Variants in ARHGEF4 observed in about 807,000 individuals in gnomAD.
The protein encoded by ARHGEF4 is Rho guanine nucleotide exchange factor 4, also known as APC-stimulated guanine nucleotide exchange factor 1.
ARHGEF4 carries 119 observed loss-of-function variants against 162.0 expected under a neutral mutation model. The ratio of observed to expected loss-of-function variants is 0.73; its 90% CI spans 0.63 to 0.86. The LOEUF (loss-of-function observed/expected upper bound fraction) is 0.86, where lower values mean the gene tolerates loss of function less well. ARHGEF4 is among the 40% of genes least tolerant of loss of function. The pLI, the probability that ARHGEF4 is intolerant of heterozygous loss-of-function variation, is 0.00. For missense variants in ARHGEF4, 2,488 were observed against 2,456.0 expected (o/e 1.01, Z -0.28); for synonymous variants, 1,014 against 979.9 (o/e 1.03, Z -0.65).
intron 6 of ARHGEF4, chr2:131,039,534 T>A (rs1390826015): frequency 9.7e-7 from 1 of 1,032,436 alleles, no homozygotes; most frequent in African/African-American, 1.7e-5. Flanking sequence ...GCTCAGGGCG[T>A]CCAAGCTGAG....
intron 1 of ARHGEF4, among the ~76,000 whole-genome samples, chr2:130,911,902 G>C (rs1176178896): frequency 6.6e-6 from 1 of 152,216 alleles, no homozygotes; most frequent in Non-Finnish European, 1.5e-5. Context: ...TTGGAACTTG[G>C]GACTTGGGAT....
chr2:130,867,242 ATTT>A (rs925137515), intron 1 of ARHGEF4, among the ~76,000 whole-genome samples: 1 of 142,396 alleles, frequency 7.0e-6, no homozygotes, highest in Non-Finnish European at 1.5e-5. Context: ...TATTATTATT[ATTT>A]TTTTTTTTTA....
At chr2:130,933,246 A>C (rs1682744950) in intron 3 of ARHGEF4, among the ~76,000 whole-genome samples, 1 of 151,458 alleles carries the variant, frequency 6.6e-6, no homozygotes, top group African/African-American at 2.4e-5. Context: ...ATTACCTTAG[A>C]TGTGTGGGTG....
At position 131,040,348 on chromosome 2, in the gene ARHGEF4, C is replaced by G. The variant is rs779084802; in HGVS notation, c.4570C>G (p.Arg1524Gly). Reference protein sequence around the residue: ...TIFGNIEDIYRCQKAFVKALE... With the variant: ...TIFGNIEDIYGCQKAFVKALE... ...CTTCGGGAACATCGAGGACATCTACCGCTGCCAGAAGGCCTTCGTGAAGGC... is the reference window on the plus strand; with the variant it reads ...CTTCGGGAACATCGAGGACATCTACGGCTGCCAGAAGGCCTTCGTGAAGGC... The change falls in exon 8 of 14, where the codon CGC becomes GGC. Residue 1524 changes from arginine to glycine, a missense_variant. Physicochemically the swap from Arg to Gly is moderately radical, Grantham distance 125. Transcript: ENST00000409359. 2 of 1,612,066 alleles carry G rather than the reference C, an allele frequency of 1.2e-6. No homozygotes were observed. Among genetic ancestry groups the G allele is most frequent in the Non-Finnish European group, 1.7e-6 (2 of 1,179,596 alleles).
intron 12 of ARHGEF4, 32 bp from the exon 13 acceptor site, chr2:131,045,337 G>A (rs1338081977): frequency 6.3e-7 from 1 of 1,599,004 alleles, no homozygotes; most frequent in South Asian, 1.1e-5. Flanking sequence ...CCACGAAGTG[G>A]GGCAGCGCCC....
intron 4 of ARHGEF4, among the ~76,000 whole-genome samples, chr2:131,002,982 T>C (rs1269017446): frequency 6.6e-6 from 1 of 152,174 alleles, no homozygotes; most frequent in Non-Finnish European, 1.5e-5. Context: ...CTACATTTGC[T>C]GAATAGATAT....
intron 3 of ARHGEF4, among the ~76,000 whole-genome samples, chr2:130,936,873 TTCTC>T (rs368088219): frequency 2.0e-5 from 3 of 150,934 alleles, no homozygotes; most frequent in African/African-American, 7.2e-5. Context: ...TCTGATCATT[TTCTC>T]TCTTTCTTTC....
chr2:130,939,435 C>T (rs555105740), intron 3 of ARHGEF4, among the ~76,000 whole-genome samples: 1 of 152,304 alleles, frequency 6.6e-6, no homozygotes, highest in African/African-American at 2.4e-5. Context: ...CTGTTTGGTA[C>T]TGTCGATCCA....
rs185582373 is a variant in ARHGEF4 at position 131,007,541 on chromosome 2, A to G, written c.3986-20404A>G. On this transcript the variant is annotated intron_variant, in intron 4 of 13. Coordinates refer to ENST00000409359, the MANE Select transcript of ARHGEF4 (RefSeq NM_001367493.1). ...TTCTGATTGTGAAGCTAATATATTC[A>G]TCTTGGCAAATCCAACATAACAGAA... 8.6e-3 allele frequency among the ~76,000 whole-genome samples: 1,309 copies of G among 152,246 alleles called. 8 individuals carry two copies. The highest frequency in any genetic ancestry group is 0.012 in the Non-Finnish European group (808 of 68,026).
intron 4 of ARHGEF4, among the ~76,000 whole-genome samples, chr2:130,974,904 AC>A (rs1357852060): frequency 6.6e-6 from 1 of 152,224 alleles, no homozygotes; most frequent in Non-Finnish European, 1.5e-5. Flanking sequence ...ATAACCTTCT[AC>A]AGCCTCTTGA....
intron 1 of ARHGEF4, among the ~76,000 whole-genome samples, chr2:130,907,971 AT>A (rs1047523386): frequency 3.4e-4 from 51 of 151,864 alleles, no homozygotes; most frequent in African/African-American, 1.2e-3. Context: ...AAAAAAAAAA[AT>A]TTACATACTG....
At chr2:130,884,685 CA>C (rs1240976166) in intron 1 of ARHGEF4, among the ~76,000 whole-genome samples, 1 of 152,102 alleles carries the variant, frequency 6.6e-6, no homozygotes, top group Non-Finnish European at 1.5e-5. Flanking sequence ...AACCATGATA[CA>C]AAGCAATATA....
chr2:130,888,811 T>C (rs1222612406), intron 1 of ARHGEF4, among the ~76,000 whole-genome samples: 1 of 151,780 alleles, frequency 6.6e-6, no homozygotes, highest in African/African-American at 2.4e-5. Context: ...AGAAATTATA[T>C]GTCTGTCGGC....
intron 1 of ARHGEF4, among the ~76,000 whole-genome samples, chr2:130,903,384 C>T (rs1304715390): frequency 1.3e-5 from 2 of 151,972 alleles, no homozygotes; most frequent in South Asian, 2.1e-4. Flanking sequence ...CTCAGCCTCC[C>T]GCATAGCTGG....
At chr2:130,898,669 C>T (rs989229263) in intron 1 of ARHGEF4, among the ~76,000 whole-genome samples, 4 of 152,124 alleles carry the variant, frequency 2.6e-5, no homozygotes, top group African/African-American at 9.7e-5. Context: ...CTCTGAGCAG[C>T]CAGGATGCAC....
At chr2:130,894,443 C>A (rs1241006784) in intron 1 of ARHGEF4, among the ~76,000 whole-genome samples, 1 of 152,036 alleles carries the variant, frequency 6.6e-6, no homozygotes, top group African/African-American at 2.4e-5. Context: ...CCAGTAGTCG[C>A]TTTGGGCCCT....
At chr2:130,913,064 G>T (rs111573436) in intron 1 of ARHGEF4, among the ~76,000 whole-genome samples, 7 of 151,890 alleles carry the variant, frequency 4.6e-5, no homozygotes, top group South Asian at 2.1e-4. Flanking sequence ...GTTCGGTACT[G>T]GGGGGGAGTG....
intron 4 of ARHGEF4, among the ~76,000 whole-genome samples, chr2:130,994,658 T>G (rs533005601): frequency 4.1e-4 from 62 of 152,338 alleles, no homozygotes; most frequent in African/African-American, 1.5e-3. Flanking sequence ...ATCTCCACCT[T>G]CCTGTCGGGG....
intron 4 of ARHGEF4, among the ~76,000 whole-genome samples, chr2:131,027,317 C>G (rs1348008833): frequency 6.6e-6 from 1 of 152,156 alleles, no homozygotes; most frequent in Non-Finnish European, 1.5e-5. Flanking sequence ...AAGGTCAAAA[C>G]TTAGCATAAC....
Sources: gnomAD v4.1 joint callset for allele counts (sites outside exome capture counted in the v4.1 genomes callset) on GRCh38, gnomAD v4.1.1 for gene constraint, MANE v1.5 for transcripts, NCBI Gene and HGNC (gene_info 2026-07-23, HGNC 2026-07-21) for gene names.